The following CBLL1 variants were observed in gnomAD, a reference collection of about 807,000 sequenced individuals.
CBLL1 encodes the protein Cbl proto-oncogene like 1.
Under a neutral mutation model 44.9 loss-of-function variants are expected in CBLL1, and 4 were observed. That is an observed-to-expected ratio of 0.09 (90% CI 0.04 to 0.20). CBLL1 has a LOEUF of 0.20. Among genes scored for constraint, CBLL1 ranks in the 10% least tolerant of loss-of-function variants. The probability of loss-of-function intolerance (pLI) is 1.00; values close to 1 mark genes in which losing one functional copy is unlikely to be tolerated. For missense variants in CBLL1, 569 were observed against 636.7 expected (o/e 0.89, Z 1.14); for synonymous variants, 235 against 202.2 (o/e 1.16, Z -1.38).
Position 107,759,964 on chromosome 7 carries a change from TACTC to T in CBLL1, c.*788_*791del, listed in dbSNP as rs1793703726. 6.6e-6 allele frequency: 1 copy of T among 152,264 alleles called. No homozygotes were observed. Among genetic ancestry groups the T allele is most frequent in the Non-Finnish European group, 1.5e-5 (1 of 68,010 alleles). The allele number at this position is 152,264 out of a possible 1,614,324, so 9.4% of individuals were successfully genotyped here. A position where few individuals can be genotyped will look rare whatever the true frequency, so the allele number is the denominator to read the frequency against. On this transcript the variant is annotated 3_prime_UTR_variant, in exon 6 of 6. Coordinates refer to ENST00000440859, the MANE Select transcript of CBLL1 (RefSeq NM_024814.4). Reference sequence around the variant, plus strand: ...CTTCAAGCTGGTGGGGGAATGCTGTTACTCATTAATGCTTTTTTACTGAATGGTC... The same window carrying T: ...CTTCAAGCTGGTGGGGGAATGCTGTTATTAATGCTTTTTTACTGAATGGTC...
intron 1 of CBLL1, among the ~76,000 whole-genome samples, chr7:107,747,738 AAAAAGTGC>A (rs1270872705): frequency 2.0e-5 from 3 of 152,186 alleles, no homozygotes; most frequent in Admixed American, 1.3e-4. Context: ...TTTTGTTCAG[AAAAAGTGC>A]AAATGAATGT....
At chr7:107,748,081 A>C (rs1461482377) in intron 1 of CBLL1, among the ~76,000 whole-genome samples, 1 of 152,182 alleles carries the variant, frequency 6.6e-6, no homozygotes, top group Non-Finnish European at 1.5e-5. Context: ...AGTTCTATGA[A>C]ATAATACTCC....
Position 107,758,262 on chromosome 7 carries a change from A to G in CBLL1, c.560A>G (p.Asn187Ser), listed in dbSNP as rs775810733. The change falls in exon 6 of 6, where the codon AAC (asparagine) becomes AGC (serine). Residue 187 changes from asparagine to serine, a missense_variant. Physicochemically the swap from Asn to Ser is conservative, Grantham distance 46. Coordinates refer to ENST00000440859, the MANE Select transcript of CBLL1 (RefSeq NM_024814.4). The surrounding 1 kb of genome is among the most constrained non-coding windows in gnomAD (Gnocchi z 4.2). ...LSQRDLQAHI[N>S]HRHMRAGKPV... ...CAGAGAGACTTACAGGCTCATATCA[A>G]CCATCGCCATATGAGAGCTGGAAAA... 1.2e-6 allele frequency: 2 copies of G among 1,614,106 alleles called. No individual in the cohort carries two copies. Among genetic ancestry groups the G allele is most frequent in the Non-Finnish European group, 1.7e-6 (2 of 1,180,000 alleles).
Position 107,759,379 on chromosome 7 carries a change from C to T in CBLL1, c.*201C>T, listed in dbSNP as rs1462111470. On this transcript the variant is annotated 3_prime_UTR_variant, in exon 6 of 6. Coordinates refer to ENST00000440859, the MANE Select transcript of CBLL1 (RefSeq NM_024814.4). Reference sequence around the variant, plus strand: ...CATACTGTAGTACAGATAAGTGGCTCAGTTGAGCACAGCTATATTTTAACA... The same window carrying T: ...CATACTGTAGTACAGATAAGTGGCTTAGTTGAGCACAGCTATATTTTAACA... 6.5e-6 allele frequency: 3 copies of T among 461,618 alleles called. No homozygotes were observed. The highest frequency in any genetic ancestry group is 2.0e-5 in the African/African-American group (1 of 51,052). The allele number at this position is 461,618 out of a possible 1,614,324, so 28.6% of individuals were successfully genotyped here.
rs1793709543 is a variant in CBLL1 at position 107,760,100 on chromosome 7, T to A, written c.*922T>A. 1 of 152,318 alleles carries A rather than the reference T, an allele frequency of 6.6e-6. No individual in the cohort carries two copies. Among genetic ancestry groups the A allele is most frequent in the African/African-American group, 2.4e-5 (1 of 41,464 alleles). 9.4% of individuals were successfully genotyped at this position (152,318 alleles called of 1,614,324 possible). On this transcript the variant is annotated 3_prime_UTR_variant, in exon 6 of 6. Transcript: ENST00000440859. ...TTAGATGAAATGTGTTCTGTTTTGTTCATTGTCTTAAACTGAATAGGGCTG... is the reference window on the plus strand; with the variant it reads ...TTAGATGAAATGTGTTCTGTTTTGTACATTGTCTTAAACTGAATAGGGCTG...
At chr7:107,747,499 A>T (rs918832395) in intron 1 of CBLL1, among the ~76,000 whole-genome samples, 1 of 152,198 alleles carries the variant, frequency 6.6e-6, no homozygotes, top group African/African-American at 2.4e-5. Flanking sequence ...CATTGCTTGT[A>T]AGTACTTTTA....
At position 107,759,203 on chromosome 7, in the gene CBLL1, T is replaced by C. The variant is rs112687008; in HGVS notation, c.*25T>C. 9.7e-6 allele frequency: 15 copies of C among 1,543,076 alleles called. No individual in the cohort carries two copies. The highest frequency in any genetic ancestry group is 2.8e-5 in the African/African-American group (2 of 72,554). On this transcript the variant is annotated 3_prime_UTR_variant, in exon 6 of 6. Coordinates refer to ENST00000440859, the MANE Select transcript of CBLL1 (RefSeq NM_024814.4). ...ATAATAGTATTTTGAATGGAAGATA[T>C]GAGGGGGAAAAAAACTTATGTGTAG...
chr7:107,760,613 A>G lies in CBLL1; in HGVS notation c.*1435A>G. 6.6e-6 allele frequency: 1 copy of G among 152,278 alleles called. No individual in the cohort carries two copies. Among genetic ancestry groups the G allele is most frequent in the Non-Finnish European group, 1.5e-5 (1 of 67,942 alleles). 9.4% of individuals were successfully genotyped at this position (152,278 alleles called of 1,614,324 possible). A position where few individuals can be genotyped will look rare whatever the true frequency, so the allele number is the denominator to read the frequency against. On this transcript the variant is annotated 3_prime_UTR_variant, in exon 6 of 6. Coordinates refer to ENST00000440859, the MANE Select transcript of CBLL1 (RefSeq NM_024814.4). ...GATATTATTTATATCCTTTGAATAA[A>G]TCCCTGTGAAGTTTTTCCTCCCCAC...
rs1186448824 is a variant in CBLL1 at position 107,759,796 on chromosome 7, A to G, written c.*618A>G. Reference sequence around the variant, plus strand: ...GTATAGTAAGTATACAATGCACTTCACTTGGATGCCTTTTCATTTTTAGGC... The same window carrying G: ...GTATAGTAAGTATACAATGCACTTCGCTTGGATGCCTTTTCATTTTTAGGC... On this transcript the variant is annotated 3_prime_UTR_variant, in exon 6 of 6. Coordinates refer to ENST00000440859, the MANE Select transcript of CBLL1 (RefSeq NM_024814.4). 6.6e-6 allele frequency: 1 copy of G among 152,292 alleles called. No homozygotes were observed. Among genetic ancestry groups the G allele is most frequent in the Non-Finnish European group, 1.5e-5 (1 of 68,014 alleles). 9.4% of individuals were successfully genotyped at this position (152,292 alleles called of 1,614,324 possible).
intron 2 of CBLL1, among the ~76,000 whole-genome samples, chr7:107,751,076 A>G (rs899596511): frequency 1.3e-5 from 2 of 151,878 alleles, no homozygotes; most frequent in African/African-American, 2.4e-5. Context: ...GCAGTCCCTA[A>G]TCTTTTTGGC....
In CBLL1 at chr7:107,752,095, A is replaced by C. The variant is rs138754884; in HGVS notation, c.182-1316A>C. Among the ~76,000 whole-genome samples, 121 of 150,968 alleles carry C rather than the reference A, an allele frequency of 8.0e-4. 4 individuals carry two copies. In the East Asian group the frequency reaches 0.022, roughly 28 times the overall value. ...GTGCCTGTAGTCCCAGCTACTCGGGAGGCCGAGGCAGGAGAATGGCATGAA... is the reference window on the plus strand; with the variant it reads ...GTGCCTGTAGTCCCAGCTACTCGGGCGGCCGAGGCAGGAGAATGGCATGAA... On this transcript the variant is annotated intron_variant, in intron 2 of 5. Transcript: ENST00000440859.
intron 5 of CBLL1, 81 bp downstream of exon 5, chr7:107,755,572 G>A (rs1793494861): frequency 1.4e-6 from 1 of 736,596 alleles, no homozygotes; most frequent in Non-Finnish European, 2.1e-6. Flanking sequence ...AGGTTAGGGA[G>A]TGATGTAAAT....
At chr7:107,755,667 G>A in intron 5 of CBLL1, 176 bp downstream of exon 5, 2 of 361,138 alleles carry the variant, frequency 5.5e-6, no homozygotes, top group Non-Finnish European at 1.0e-5. Context: ...TATAGGGCAA[G>A]GTAGCCACTA....
rs1487782313 is a variant in CBLL1, at chr7:107,749,057, TTAAC to T, written c.181+14_181+17del. The T allele has an allele frequency of 1.9e-6, 3 of 1,613,156 alleles. No individual in the cohort carries two copies. In the African/African-American group the frequency reaches 4.0e-5, roughly 22 times the overall value. ...CCACCTGGTGATGAAGGTAATTTGT[TTAAC>T]TAATAGGTCCAACACTCTTTCTGTT... On this transcript the variant is annotated intron_variant, in intron 2 of 5. Transcript: ENST00000440859.
chr7:107,747,798 A>G (rs894535144), intron 1 of CBLL1, among the ~76,000 whole-genome samples: 7 of 152,328 alleles, frequency 4.6e-5, no homozygotes, highest in African/African-American at 1.4e-4. Flanking sequence ...CTTGGAGGCC[A>G]TTGGTACTAG....
Position 107,759,287 on chromosome 7 carries a change from T to A in CBLL1, c.*109T>A. 1 of 915,106 alleles carries A rather than the reference T, an allele frequency of 1.1e-6. No homozygotes were observed. Among genetic ancestry groups the A allele is most frequent in the Admixed American group, 2.6e-5 (1 of 38,884 alleles). The allele number at this position is 915,106 out of a possible 1,614,324, so 56.7% of individuals were successfully genotyped here. On this transcript the variant is annotated 3_prime_UTR_variant, in exon 6 of 6. Coordinates refer to ENST00000440859, the MANE Select transcript of CBLL1 (RefSeq NM_024814.4). ...AAGAGTACCTCTTATCGAGGTAGTATAAAACACATAGGGTCTTGTTTCTTA... is the reference window on the plus strand; with the variant it reads ...AAGAGTACCTCTTATCGAGGTAGTAAAAAACACATAGGGTCTTGTTTCTTA...
intron 5 of CBLL1, among the ~76,000 whole-genome samples, chr7:107,756,615 G>A (rs1197396657): frequency 6.6e-6 from 1 of 152,006 alleles, no homozygotes; most frequent in Non-Finnish European, 1.5e-5. Flanking sequence ...TCGGGATAAA[G>A]GATTTCAGAT....
chr7:107,754,136 A>G (rs1044868267), intron 4 of CBLL1, 158 bp downstream of exon 4: 2 of 395,114 alleles, frequency 5.1e-6, no homozygotes. Context: ...TGAATTTAAT[A>G]TGATTATCTT....
chr7:107,755,431 A>G lies in CBLL1; in HGVS notation c.380A>G (p.His127Arg). The G allele has an allele frequency of 1.9e-6, 3 of 1,580,026 alleles. No homozygotes were observed. Among genetic ancestry groups the G allele is most frequent in the Middle Eastern group, 1.7e-4 (1 of 5,784 alleles). Residue 127 changes from histidine to arginine, a missense_variant, in exon 5 of 6, where the codon CAT becomes CGT. This residue lies in a region of CBLL1 where 209 missense variants were observed against 202.8 expected (regional missense o/e 1.03). Coordinates refer to ENST00000440859, the MANE Select transcript of CBLL1 (RefSeq NM_024814.4). ...KIYGRMIPCKHVFCYDCAILH... is the reference protein window; with the variant it reads ...KIYGRMIPCKRVFCYDCAILH... ...CTTTGTTTACAGATTCCATGCAAGCATGTTTTTTGCTATGACTGTGCTATT... is the reference window on the plus strand; with the variant it reads ...CTTTGTTTACAGATTCCATGCAAGCGTGTTTTTTGCTATGACTGTGCTATT...
Sources: allele counts gnomAD v4.1 joint callset (sites outside exome capture counted in the v4.1 genomes callset), GRCh38; gene constraint gnomAD v4.1.1; regional missense constraint gnomAD v4.1.1; non-coding constraint Gnocchi (gnomAD v3.1); transcripts MANE v1.5; gene names NCBI Gene and HGNC (gene_info 2026-07-23, HGNC 2026-07-21).